The following RBPMS variants were observed in gnomAD, a reference collection of about 807,000 sequenced individuals.
RBPMS encodes RNA-binding protein with multiple splicing.
A neutral mutation model predicts 26.8 loss-of-function variants in RBPMS; 7 were observed. The ratio of observed to expected loss-of-function variants is 0.26; its 90% CI spans 0.15 to 0.49. The LOEUF is 0.49. Ranked by LOEUF, RBPMS falls within the 20% of genes least tolerant of loss-of-function variation. RBPMS has a pLI of 0.98. For missense variants in RBPMS, 186 were observed against 250.0 expected, an observed-to-expected ratio of 0.74 and a Z score of 1.73; for synonymous variants, 96 against 93.3, an observed-to-expected ratio of 1.03 and a Z score of -0.17.
At chr8:30,531,073 T>C (rs1035577604) in intron 5 of RBPMS, among the ~76,000 whole-genome samples, 4 of 152,134 alleles carry the variant, frequency 2.6e-5, no homozygotes, top group Non-Finnish European at 5.9e-5. Context: ...GCTATAATAG[T>C]GGACCATTTT....
chr8:30,498,634 A>C (rs1238944818), intron 4 of RBPMS, among the ~76,000 whole-genome samples: 2 of 152,338 alleles, frequency 1.3e-5, no homozygotes, highest in East Asian at 3.8e-4. Context: ...CTAAAGACAA[A>C]AAACTGTAAA....
chr8:30,553,431 T>C (rs1826562994), intron 6 of RBPMS: 1 of 152,262 alleles, frequency 6.6e-6, no homozygotes, highest in Non-Finnish European at 1.5e-5. Context: ...TGGAGTTTCT[T>C]GGACCAGATT....
chr8:30,438,730 G>T (rs75141523), intron 1 of RBPMS, among the ~76,000 whole-genome samples: 1 of 151,956 alleles, frequency 6.6e-6, no homozygotes, highest in Non-Finnish European at 1.5e-5. Context: ...CATCAAGTTC[G>T]CATCGTATCT....
chr8:30,448,713 A>G (rs1333368950), intron 1 of RBPMS, among the ~76,000 whole-genome samples: 4 of 152,220 alleles, frequency 2.6e-5, no homozygotes, highest in African/African-American at 7.2e-5. Flanking sequence ...CTTTCTAGTT[A>G]TGTTGAACCA....
intron 6 of RBPMS, among the ~76,000 whole-genome samples, chr8:30,549,772 T>TTTTCTTCTCTCTCTC (rs1182285469): frequency 3.5e-4 from 25 of 71,188 alleles, no homozygotes; most frequent in South Asian, 2.1e-3. Flanking sequence ...TTTTCTTTTC[T>TTTTCTTCTCTCTCTC]TCTCTCTCTC....
intron 1 of RBPMS, among the ~76,000 whole-genome samples, chr8:30,473,490 T>C (rs1318741928): frequency 6.6e-6 from 1 of 152,212 alleles, no homozygotes; most frequent in African/African-American, 2.4e-5. Context: ...CATGGTGGCC[T>C]ATGTGTTGAT....
chr8:30,533,324 CA>C (rs1216373595), intron 5 of RBPMS, among the ~76,000 whole-genome samples: 1 of 152,172 alleles, frequency 6.6e-6, no homozygotes, highest in Non-Finnish European at 1.5e-5. Flanking sequence ...AACTCTCAGG[CA>C]ACAGCAGATG....
intron 8 of RBPMS, among the ~76,000 whole-genome samples, chr8:30,567,104 A>G (rs1427900388): frequency 6.6e-6 from 1 of 152,120 alleles, no homozygotes; most frequent in Non-Finnish European, 1.5e-5. Flanking sequence ...GGGCGAGTCT[A>G]TGGTGGTTTA....
At chr8:30,524,430 A>C (rs995575021) in intron 5 of RBPMS, among the ~76,000 whole-genome samples, 24 of 152,284 alleles carry the variant, frequency 1.6e-4, no homozygotes. Context: ...CTGATGCTTA[A>C]GGAGATATGT....
intron 1 of RBPMS, among the ~76,000 whole-genome samples, chr8:30,421,024 A>G (rs1026702164): frequency 1.3e-5 from 2 of 152,200 alleles, no homozygotes; most frequent in Admixed American, 6.5e-5. Context: ...GCTAATTTTG[A>G]TTTATTTTCA....
intron 1 of RBPMS, among the ~76,000 whole-genome samples, chr8:30,417,953 G>C (rs930800283): frequency 6.6e-6 from 1 of 152,168 alleles, no homozygotes; most frequent in African/African-American, 2.4e-5. Context: ...CGTTGGTATA[G>C]TTGATATGTG....
chr8:30,450,787 C>CAAAAAAAAAAAAAAAAAAA (rs59577795), intron 1 of RBPMS, among the ~76,000 whole-genome samples: 2 of 87,384 alleles, frequency 2.3e-5, no homozygotes, highest in African/African-American at 4.4e-5. Flanking sequence ...TGCCTGAAAG[C>CAAAAAAAAAAAAAAAAAAA]AAAAAAAAAA....
chr8:30,544,387 T>C (rs1825689528), intron 5 of RBPMS, 107 bp from the exon 6 acceptor site: 7 of 1,109,474 alleles, frequency 6.3e-6, no homozygotes, highest in South Asian at 1.4e-5. Flanking sequence ...TGAGAGTAAT[T>C]TGACTTCCGA....
chr8:30,514,985 CTT>C (rs1822153415), intron 5 of RBPMS, among the ~76,000 whole-genome samples: 1 of 151,934 alleles, frequency 6.6e-6, no homozygotes, highest in Non-Finnish European at 1.5e-5. Flanking sequence ...TTTTAAAAAT[CTT>C]TTTTAGTTTT....
At chr8:30,429,004 A>G (rs976600618) in intron 1 of RBPMS, among the ~76,000 whole-genome samples, 4 of 152,200 alleles carry the variant, frequency 2.6e-5, no homozygotes, top group Non-Finnish European at 5.9e-5. Flanking sequence ...CTTCTAAGAC[A>G]CATCAAAGGT....
chr8:30,463,718 TAGGA>T (rs1164010440), intron 1 of RBPMS, among the ~76,000 whole-genome samples: 1 of 152,190 alleles, frequency 6.6e-6, no homozygotes, highest in Non-Finnish European at 1.5e-5. Context: ...TGAGGAAACT[TAGGA>T]AGGGAAAGGT....
chr8:30,413,942 A>T (rs1402822425), intron 1 of RBPMS, among the ~76,000 whole-genome samples: 1 of 152,094 alleles, frequency 6.6e-6, no homozygotes, highest in Non-Finnish European at 1.5e-5. Context: ...GGGTTTTGCC[A>T]TGTTGTCCAG....
intron 6 of RBPMS, 77 bp downstream of exon 6, chr8:30,544,701 A>G (rs746566060): frequency 1.7e-5 from 27 of 1,605,394 alleles, no homozygotes; most frequent in East Asian, 1.6e-4. Context: ...AGAGCACACC[A>G]TACAACTAAC....
rs949985981 is a variant in RBPMS at position 30,551,325 on chromosome 8, T to C, written c.528+6701T>C. Among the ~76,000 whole-genome samples, 3 of 152,202 alleles carry C rather than the reference T, an allele frequency of 2.0e-5. No homozygotes were observed. The East Asian group carries it at 5.8e-4, about 29-fold the overall frequency. ...CAGGCCTCTCCATGTTGGGCAGTTT[T>C]AGGAGGAAATGCCGTTCAGAAACCA... is the stretch of plus-strand genomic sequence containing the variant. On this transcript the variant is annotated intron_variant, in intron 6 of 8. Transcript: ENST00000397323.
Sources: allele counts gnomAD v4.1 joint callset (sites outside exome capture counted in the v4.1 genomes callset), GRCh38; gene constraint gnomAD v4.1.1; transcripts MANE v1.5; gene names NCBI Gene and HGNC (gene_info 2026-07-23, HGNC 2026-07-21).